Variants in ADGRG1 observed in about 807,000 individuals in gnomAD.
ADGRG1 encodes the protein 7-transmembrane protein with no EGF-like N-terminal domains-1.
ADGRG1 carries 53 observed loss-of-function variants against 73.5 expected under a neutral mutation model. That is an observed-to-expected ratio of 0.72 (90% CI 0.58 to 0.91). ADGRG1 has a LOEUF of 0.91. Ranked by LOEUF, ADGRG1 falls within the 40% of genes least tolerant of loss-of-function variation. The pLI, the probability that ADGRG1 is intolerant of heterozygous loss-of-function variation, is 0.00. For synonymous variants in ADGRG1, 394 were observed against 374.4 expected, an observed-to-expected ratio of 1.05 and a Z score of -0.60; for missense variants, 795 against 871.8, an observed-to-expected ratio of 0.91 and a Z score of 1.11.
chr16:57,631,113 G>A, intron 1 of ADGRG1: 1 of 985,880 alleles, frequency 1.0e-6, no homozygotes, highest in Non-Finnish European at 1.2e-6. Flanking sequence ...CTGGCTGCTG[G>A]GTTAAGGCTC....
rs1362516331 is a variant in ADGRG1, at chr16:57,659,552, CT to C, written c.1427del (p.Leu476ArgfsTer38). 1.9e-6 allele frequency: 3 copies of C among 1,614,054 alleles called. No homozygotes were observed. The highest frequency in any genetic ancestry group is 2.7e-5 in the African/African-American group (2 of 74,934). ...EAGCRASAIF[L>X]HFSLLTCLSW... is the part of the protein sequence containing the mutation. Reference sequence around the variant, plus strand: ...TGGCTGCCGAGCCAGTGCCATCTTCCTGCACTTCTCCCTGCTCACCTGCCTT... The same window carrying C: ...TGGCTGCCGAGCCAGTGCCATCTTCCGCACTTCTCCCTGCTCACCTGCCTT... On this transcript the variant is annotated frameshift_variant, in exon 11 of 14. Coordinates refer to ENST00000562631, the MANE Select transcript of ADGRG1 (RefSeq NM_201525.4). LOFTEE classifies it high-confidence loss of function.
chr16:57,628,081 G>T (rs908417232), upstream of ADGRG1: 1 of 985,176 alleles, frequency 1.0e-6, no homozygotes, highest in African/African-American at 1.7e-5. Flanking sequence ...GGGGGACGCA[G>T]GTCAGCCGGT....
At position 57,651,423 on chromosome 16, in the gene ADGRG1, A is replaced by G; in HGVS notation, c.288A>G (p.Arg96=). ...GLYHFCLYWN[R]HAGRLHLLYG... ...ACCACTTCTGCCTCTACTGGAACCG[A>G]CATGCTGGGAGATTACATCTTCTCT... The change falls in exon 3 of 14, where the codon CGA becomes CGG. Residue 96 remains arginine (R), a synonymous_variant. Transcript: ENST00000562631. 6.2e-7 allele frequency: 1 copy of G among 1,614,112 alleles called. No individual in the cohort carries two copies. The highest frequency in any genetic ancestry group is 8.5e-7 in the Non-Finnish European group (1 of 1,180,012).
chr16:57,631,696 G>C, intron 1 of ADGRG1: 1 of 985,444 alleles, frequency 1.0e-6, no homozygotes. Flanking sequence ...GGGGGGCGGG[G>C]CGGGCTGGCA....
At chr16:57,622,721 C>A, upstream of ADGRG1, 1 of 966,308 alleles carries the variant, frequency 1.0e-6, no homozygotes, top group Non-Finnish European at 1.2e-6. Flanking sequence ...GCCAAGTGCT[C>A]TTGGGAGGCT....
At chr16:57,651,144 C>A in intron 2 of ADGRG1, 56 bp from the exon 3 acceptor site, 1 of 1,610,952 alleles carries the variant, frequency 6.2e-7, no homozygotes, top group Non-Finnish European at 8.5e-7. Context: ...TGTCCCCTTC[C>A]ATGCCTCTGG....
At chr16:57,620,406 G>T (rs959114807), upstream of ADGRG1, among the ~76,000 whole-genome samples, 2 of 152,190 alleles carry the variant, frequency 1.3e-5, no homozygotes, top group Admixed American at 6.5e-5. Flanking sequence ...TGTGAGGTGT[G>T]TTCCCGGTGT....
chr16:57,631,232 T>C lies in ADGRG1; in HGVS notation c.-36+2430T>C, dbSNP rs1251160852. The C allele has an allele frequency of 7.1e-6, 7 of 986,078 alleles. No individual in the cohort carries two copies. The African/African-American group carries it at 1.1e-4, about 15-fold the overall frequency. The allele number at this position is 986,078 out of a possible 1,614,324, so 61.1% of individuals were successfully genotyped here. ...AGCTGCAGCAGGGTTGGTGTAGGGG[T>C]TGGCCTCCTGGCAAGGCCCAGCATG... is the stretch of plus-strand genomic sequence containing the variant. On this transcript the variant is annotated intron_variant, in intron 1 of 13. Transcript: ENST00000562631.
At chr16:57,639,498 G>A in intron 1 of ADGRG1, 1 of 985,468 alleles carries the variant, frequency 1.0e-6, no homozygotes, top group Non-Finnish European at 1.2e-6. Context: ...CTCCAGTGAG[G>A]GAGCAGTGGC....
At chr16:57,650,510 G>T (rs1389616309) in intron 2 of ADGRG1, 159 bp downstream of exon 2, 2 of 791,944 alleles carry the variant, frequency 2.5e-6, no homozygotes, top group South Asian at 5.7e-5. Context: ...CTTCCTTCTG[G>T]CAGGTGCAGC....
chr16:57,660,276 T>A (rs2046767655), intron 11 of ADGRG1: 2 of 985,194 alleles, frequency 2.0e-6, no homozygotes, highest in Non-Finnish European at 2.4e-6. Context: ...ATTGGGCCCC[T>A]TCTTTGTCCA....
intron 1 of ADGRG1, chr16:57,642,963 A>G (rs2041234227): frequency 6.6e-6 from 1 of 152,174 alleles, no homozygotes; most frequent in Non-Finnish European, 1.5e-5. Context: ...TGAACAATTA[A>G]TTTTTTGCCA....
intron 13 of ADGRG1, among the ~76,000 whole-genome samples, chr16:57,662,299 C>T (rs1284474515): frequency 3.3e-5 from 5 of 152,284 alleles, no homozygotes; most frequent in South Asian, 2.1e-4. Context: ...GTCGTGAGCA[C>T]GTGCTGCACA....
chr16:57,636,804 C>T (rs1225590563), intron 1 of ADGRG1: 3 of 591,996 alleles, frequency 5.1e-6, no homozygotes, highest in Non-Finnish European at 6.4e-6. Context: ...GTGAGCAAGA[C>T]AGGTGAGACA....
rs570024603 is a variant in ADGRG1 at position 57,649,930 on chromosome 16, G to A, written c.-35-323G>A. 4.6e-4 allele frequency: 71 copies of A among 154,512 alleles called. No homozygotes were observed. The South Asian group carries it at 0.013, about 29-fold the overall frequency. The allele number at this position is 154,512 out of a possible 1,614,324, so 9.6% of individuals were successfully genotyped here. A position where few individuals can be genotyped will look rare whatever the true frequency, so the allele number is the denominator to read the frequency against. On this transcript the variant is annotated intron_variant, in intron 1 of 13. Transcript: ENST00000562631. Reference sequence around the variant, plus strand: ...GTAGCTGGGACCACAGGCATACACCGCCATGCCTGGCTAATTTTGTTTATT... The same window carrying A: ...GTAGCTGGGACCACAGGCATACACCACCATGCCTGGCTAATTTTGTTTATT...
intron 1 of ADGRG1, chr16:57,637,399 C>T (rs2147572295): frequency 1.0e-6 from 1 of 985,228 alleles, no homozygotes; most frequent in Admixed American, 6.1e-5. Flanking sequence ...GCCTCTGTTT[C>T]TCCGGGTTGC....
chr16:57,625,268 GA>G (rs1567658268), upstream of ADGRG1, among the ~76,000 whole-genome samples: 1 of 152,158 alleles, frequency 6.6e-6, no homozygotes, highest in African/African-American at 2.4e-5. Flanking sequence ...AAGCAGGGGG[GA>G]CCTGTGGCTT....
chr16:57,660,525 C>T (rs2046830702), intron 11 of ADGRG1: 4 of 748,244 alleles, frequency 5.3e-6, no homozygotes, highest in Non-Finnish European at 6.5e-6. Flanking sequence ...TCCCAGGGGC[C>T]CCCAGGGTGA....
chr16:57,652,230 T>C, intron 3 of ADGRG1: 1 of 756,064 alleles, frequency 1.3e-6, no homozygotes, highest in East Asian at 1.4e-4. Flanking sequence ...GTGTGACAGG[T>C]ACATGTGGCC....
Sources: gnomAD v4.1 joint callset for allele counts (sites outside exome capture counted in the v4.1 genomes callset) on GRCh38, gnomAD v4.1.1 for gene constraint, MANE v1.5 for transcripts, NCBI Gene and HGNC (gene_info 2026-07-23, HGNC 2026-07-21) for gene names.